The following IGSF21 variants were observed in gnomAD, a reference collection of about 807,000 sequenced individuals.
IGSF21 encodes immunoglobin superfamily member 21, also known as immunoglobulin superfamily member 21.
In IGSF21, 28 loss-of-function variants were observed where a neutral mutation model predicts 46.8. The observed-to-expected ratio is 0.60, with a 90% CI of 0.44 to 0.82. The LOEUF (loss-of-function observed/expected upper bound fraction) is 0.82. Ranked by LOEUF, IGSF21 falls within the 40% of genes least tolerant of loss-of-function variation. The pLI, the probability that IGSF21 is intolerant of heterozygous loss-of-function variation, is 0.00. For missense variants in IGSF21, 624 were observed against 665.5 expected, an observed-to-expected ratio of 0.94 and a Z score of 0.69; for synonymous variants, 284 against 273.6, an observed-to-expected ratio of 1.04 and a Z score of -0.38.
intron 4 of IGSF21, among the ~76,000 whole-genome samples, chr1:18,355,229 G>A (rs1018597416): frequency 2.0e-5 from 3 of 152,184 alleles, no homozygotes; most frequent in Admixed American, 6.5e-5. Flanking sequence ...CAACAATTCT[G>A]AGATTTATAT....
intron 3 of IGSF21, among the ~76,000 whole-genome samples, chr1:18,298,851 G>T (rs1020662015): frequency 6.6e-5 from 10 of 152,152 alleles, no homozygotes; most frequent in African/African-American, 2.2e-4. Flanking sequence ...ACGCCCGTTG[G>T]CCTATAAGCT....
At chr1:18,138,270 G>T (rs1042790515) in intron 1 of IGSF21, among the ~76,000 whole-genome samples, 1 of 152,162 alleles carries the variant, frequency 6.6e-6, no homozygotes, top group Non-Finnish European at 1.5e-5. Context: ...AGGACATGTG[G>T]CCTCACTTTC....
At chr1:18,360,803 T>A (rs1029635292) in intron 4 of IGSF21, among the ~76,000 whole-genome samples, 1 of 152,224 alleles carries the variant, frequency 6.6e-6, no homozygotes, top group Non-Finnish European at 1.5e-5. Context: ...TAGCTAGTTT[T>A]GTCCTGCAAA....
intron 4 of IGSF21, among the ~76,000 whole-genome samples, chr1:18,339,442 C>T (rs548516669): frequency 6.6e-6 from 1 of 152,322 alleles, no homozygotes; most frequent in East Asian, 1.9e-4. Flanking sequence ...GGCTCAAAAA[C>T]TCCGATGGTC....
chr1:18,336,570 A>T (rs571220608), intron 4 of IGSF21, among the ~76,000 whole-genome samples: 2 of 152,324 alleles, frequency 1.3e-5, no homozygotes, highest in South Asian at 4.1e-4. Flanking sequence ...GCTCTGTCGC[A>T]TTGCTGGAGG....
chr1:18,227,893 T>G lies in IGSF21; in HGVS notation c.71-5T>G, dbSNP rs757579883. On this transcript the variant is annotated splice_polypyrimidine_tract_variant and splice_region_variant and intron_variant, in intron 1 of 9. Transcript: ENST00000251296. ...CTTACCACCCCTTTCTCCTCTCTTCTGTAGGCTACCTGACAGTCAACATTG... is the reference window on the plus strand; with the variant it reads ...CTTACCACCCCTTTCTCCTCTCTTCGGTAGGCTACCTGACAGTCAACATTG... The G allele has an allele frequency of 6.2e-7, 1 of 1,612,438 alleles. No individual in the cohort carries two copies. The highest frequency in any genetic ancestry group is 8.5e-7 in the Non-Finnish European group (1 of 1,178,532).
chr1:18,284,436 A>G (rs1199757868), intron 2 of IGSF21, among the ~76,000 whole-genome samples: 1 of 152,210 alleles, frequency 6.6e-6, no homozygotes, highest in Non-Finnish European at 1.5e-5. Context: ...AAGTTTCTAG[A>G]TTTGCTCATC....
intron 3 of IGSF21, among the ~76,000 whole-genome samples, chr1:18,307,023 C>T (rs1200662930): frequency 6.6e-6 from 1 of 152,206 alleles, no homozygotes; most frequent in African/African-American, 2.4e-5. Flanking sequence ...CCTGCCCTCT[C>T]AATGGCAATT....
At chr1:18,132,564 G>C (rs1217043289) in intron 1 of IGSF21, among the ~76,000 whole-genome samples, 2 of 152,200 alleles carry the variant, frequency 1.3e-5, no homozygotes, top group Non-Finnish European at 1.5e-5. Context: ...ACTGCAAAAT[G>C]ACCGCAGAGA....
chr1:18,270,262 A>G (rs1295284177), intron 2 of IGSF21, among the ~76,000 whole-genome samples: 7 of 152,196 alleles, frequency 4.6e-5, no homozygotes, highest in African/African-American at 1.4e-4. Flanking sequence ...GAAGACCTCA[A>G]TTTAAACAAG....
At chr1:18,327,827 A>G (rs1309103768) in intron 3 of IGSF21, among the ~76,000 whole-genome samples, 1 of 152,174 alleles carries the variant, frequency 6.6e-6, no homozygotes, top group Non-Finnish European at 1.5e-5. Flanking sequence ...ATACATTGAA[A>G]CTTATCAAAT....
chr1:18,270,949 G>A (rs141974634), intron 2 of IGSF21, among the ~76,000 whole-genome samples: 5 of 152,296 alleles, frequency 3.3e-5, no homozygotes, highest in East Asian at 1.9e-4. Flanking sequence ...TTACCTGACC[G>A]TGCAAGTAAT....
At chr1:18,261,766 T>C (rs975969763) in intron 2 of IGSF21, among the ~76,000 whole-genome samples, 6 of 152,194 alleles carry the variant, frequency 3.9e-5, no homozygotes, top group African/African-American at 1.4e-4. Context: ...CCAGAGGAAG[T>C]GGAGGGACTT....
At position 18,200,621 on chromosome 1, in the gene IGSF21, T is replaced by C. The variant is rs1022655106; in HGVS notation, c.71-27277T>C. ...TTCCGCTCTTCTTATAAGAACATTA[T>C]ATTCAATTCGGGCCCTTCTTCATCT... On this transcript the variant is annotated intron_variant, in intron 1 of 9. Transcript: ENST00000251296. 2.6e-5 allele frequency among the ~76,000 whole-genome samples: 4 copies of C among 152,236 alleles called. 1 individual carries two copies. Among genetic ancestry groups the C allele is most frequent in the African/African-American group, 9.6e-5 (4 of 41,462 alleles).
intron 1 of IGSF21, among the ~76,000 whole-genome samples, chr1:18,178,120 C>A (rs2086820751): frequency 6.6e-6 from 1 of 151,950 alleles, no homozygotes; most frequent in African/African-American, 2.4e-5. Flanking sequence ...AAAGAGGGAG[C>A]AGGCTGGAAA....
At chr1:18,176,803 C>T (rs1029447026) in intron 1 of IGSF21, among the ~76,000 whole-genome samples, 3 of 152,172 alleles carry the variant, frequency 2.0e-5, no homozygotes, top group Admixed American at 2.0e-4. Context: ...GTAAATAAAA[C>T]GTTGTCAGCT....
chr1:18,144,738 C>T (rs2086449885), intron 1 of IGSF21, among the ~76,000 whole-genome samples: 1 of 151,996 alleles, frequency 6.6e-6, no homozygotes, highest in Admixed American at 6.6e-5. Context: ...CCCCTTGTGT[C>T]AGCAGGGCCA....
chr1:18,365,769 T>TC lies in IGSF21; in HGVS notation c.1015+74dup. 7.6e-7 allele frequency: 1 copy of TC among 1,316,004 alleles called. No homozygotes were observed. The highest frequency in any genetic ancestry group is 2.4e-5 in the East Asian group (1 of 41,132). 81.5% of individuals were successfully genotyped at this position (1,316,004 alleles called of 1,614,324 possible). On this transcript the variant is annotated intron_variant, in intron 6 of 9. Transcript: ENST00000251296. The surrounding 1 kb of genome is among the most constrained non-coding windows in gnomAD (Gnocchi z 4.8). ...TGTGGGGAGAGCCTTGGAATAGGGT[T>TC]CCTGGGCTGAGGACAGCCATGGAAA...
intron 3 of IGSF21, among the ~76,000 whole-genome samples, chr1:18,330,572 A>G (rs2085702464): frequency 6.9e-6 from 1 of 145,542 alleles, no homozygotes; most frequent in Non-Finnish European, 1.5e-5. Context: ...GGCGTGGGAG[A>G]AGGGAAGGTG....
Sources: allele counts gnomAD v4.1 joint callset (sites outside exome capture counted in the v4.1 genomes callset), GRCh38; gene constraint gnomAD v4.1.1; non-coding constraint Gnocchi (gnomAD v3.1); transcripts MANE v1.5; gene names NCBI Gene and HGNC (gene_info 2026-07-23, HGNC 2026-07-21).